The following PARP16 variants were observed in gnomAD, a reference collection of about 807,000 sequenced individuals.
The protein encoded by PARP16 is protein mono-ADP-ribosyltransferase PARP16.
PARP16 carries 31 observed loss-of-function variants against 35.0 expected under a neutral mutation model. The observed-to-expected ratio is 0.88, with a 90% CI of 0.66 to 1.19. The LOEUF (loss-of-function observed/expected upper bound fraction) is 1.19. Ranked by LOEUF, PARP16 falls within the 50% of genes most tolerant of loss-of-function variation. The pLI, the probability that PARP16 is intolerant of heterozygous loss-of-function variation, is 0.00. For synonymous variants in PARP16, 162 were observed against 169.5 expected, an observed-to-expected ratio of 0.96 and a Z score of 0.34; for missense variants, 424 against 411.2, an observed-to-expected ratio of 1.03 and a Z score of -0.27.
At chr15:65,259,991 T>C (rs2089648949) in intron 5 of PARP16, among the ~76,000 whole-genome samples, 1 of 152,172 alleles carries the variant, frequency 6.6e-6, no homozygotes, top group African/African-American at 2.4e-5. Context: ...CACCCAAGTG[T>C]GCACTAAAGA....
chr15:65,251,475 T>C (rs576292382), intron 2 of PARP16, among the ~76,000 whole-genome samples: 1 of 152,304 alleles, frequency 6.6e-6, no homozygotes, highest in African/African-American at 2.4e-5. Context: ...GATTCAGTAC[T>C]CAAAACAACG....
At chr15:65,281,645 C>T (rs893965871) in intron 1 of PARP16, among the ~76,000 whole-genome samples, 2 of 150,640 alleles carry the variant, frequency 1.3e-5, no homozygotes, top group South Asian at 2.1e-4. Flanking sequence ...GAGCCGAGAC[C>T]GCGCCATTGC....
chr15:65,247,798 CTTTTTTTTTTTTT>C (rs930896140), intron 3 of PARP16, among the ~76,000 whole-genome samples: 1 of 90,994 alleles, frequency 1.1e-5, no homozygotes, highest in African/African-American at 4.4e-5. Flanking sequence ...ATGGATTGTT[CTTTTTTTTTTTTT>C]TTTTTTTTTT....
At position 65,270,955 on chromosome 15, in the gene PARP16, G is replaced by C. The variant is rs545864287; in HGVS notation, c.292C>G (p.His98Asp). The change falls in exon 2 of 6, where the codon CAC (histidine) becomes GAC (aspartate). Residue 98 changes from histidine (H) to aspartate (D), a missense_variant. Physicochemically the swap from His to Asp is moderately conservative, Grantham distance 81. Coordinates refer to ENST00000649807, the MANE Select transcript of PARP16 (RefSeq NM_001316943.2). ...CTCACCTCTGCCTTCCCTGCACTGTGGATTGTCAGGACCTTTGAGGATAAA... is the reference window on the plus strand; with the variant it reads ...CTCACCTCTGCCTTCCCTGCACTGTCGATTGTCAGGACCTTTGAGGATAAA... ...WILSSKVLTI[H>D]SAGKAEFEKI... 3 of 1,614,132 alleles carry C rather than the reference G, an allele frequency of 1.9e-6. No individual in the cohort carries two copies. In the South Asian group the frequency reaches 3.3e-5, roughly 18 times the overall value.
chr15:65,274,246 C>CTT (rs112213715), intron 1 of PARP16, among the ~76,000 whole-genome samples: 12,442 of 140,138 alleles, frequency 0.089, 714 homozygotes, highest in Non-Finnish European at 0.13. Context: ...GCCCAGCATA[C>CTT]TTTTTTTTTT....
intron 2 of PARP16, among the ~76,000 whole-genome samples, chr15:65,251,063 T>A (rs780380177): frequency 1.3e-5 from 2 of 152,272 alleles, no homozygotes; most frequent in Admixed American, 6.5e-5. Flanking sequence ...TTTGTATTTT[T>A]AGTAGAGACG....
rs137937159 is a variant in PARP16, at chr15:65,238,454, G to T, written c.*98-3631C>A. ...GCTGCCCCAGTCACTCCATGCTCCAGTTGGAAATGTGATAGCTATCCTGGA... is the reference window on the plus strand; with the variant it reads ...GCTGCCCCAGTCACTCCATGCTCCATTTGGAAATGTGATAGCTATCCTGGA... On this transcript the variant is annotated intron_variant and NMD_transcript_variant, in intron 3 of 3. Coordinates refer to the PARP16 transcript ENST00000559805. Among the ~76,000 whole-genome samples the T allele has an allele frequency of 9.2e-5, 14 of 152,294 alleles. No homozygotes were observed. In the East Asian group the frequency reaches 2.7e-3, roughly 29 times the overall value.
downstream of PARP16, among the ~76,000 whole-genome samples, chr15:65,232,074 C>T (rs2088784114): frequency 6.6e-6 from 1 of 152,144 alleles, no homozygotes; most frequent in Non-Finnish European, 1.5e-5. Context: ...CCGTCACCTA[C>T]CTCCTAAAGC....
chr15:65,257,551 A>G (rs1596006091), downstream of PARP16, among the ~76,000 whole-genome samples: 1 of 149,232 alleles, frequency 6.7e-6, no homozygotes, highest in South Asian at 2.1e-4. Flanking sequence ...AACTGCTTGA[A>G]CCCGGGAGGC....
intron 2 of PARP16, among the ~76,000 whole-genome samples, chr15:65,253,007 G>GT (rs2089399217): frequency 6.6e-6 from 1 of 151,928 alleles, no homozygotes; most frequent in African/African-American, 2.4e-5. Context: ...GCACATGCCT[G>GT]TAATCCCAGC....
At chr15:65,236,395 C>G (rs1301413849) in intron 3 of PARP16, among the ~76,000 whole-genome samples, 2 of 152,166 alleles carry the variant, frequency 1.3e-5, no homozygotes, top group East Asian at 3.8e-4. Flanking sequence ...ATGACCTGGA[C>G]CAGGGAACCA....
At chr15:65,270,838 C>A (rs2090070313) in intron 2 of PARP16, 97 bp downstream of exon 2, 3 of 1,205,014 alleles carry the variant, frequency 2.5e-6, no homozygotes, top group Non-Finnish European at 3.6e-6. Context: ...CTGCCCAGGT[C>A]ACTGGTACAC....
At chr15:65,270,245 C>T (rs2090049836) in intron 2 of PARP16, among the ~76,000 whole-genome samples, 1 of 152,200 alleles carries the variant, frequency 6.6e-6, no homozygotes. Context: ...GAGACCCCAG[C>T]CAGGCAAGGT....
chr15:65,235,270 G>T (rs1455648256), intron 3 of PARP16, among the ~76,000 whole-genome samples: 1 of 151,812 alleles, frequency 6.6e-6, no homozygotes, highest in Non-Finnish European at 1.5e-5. Context: ...TCGCGCCACT[G>T]CACTTCAGCC....
At chr15:65,282,194 AT>A (rs1298755876) in intron 1 of PARP16, among the ~76,000 whole-genome samples, 2 of 152,202 alleles carry the variant, frequency 1.3e-5, no homozygotes, top group African/African-American at 4.8e-5. Context: ...TAATCTTTTT[AT>A]AAAGACAGGG....
Position 65,286,295 on chromosome 15 carries a change from G to T in PARP16, c.132C>A (p.Pro44=), listed in dbSNP as rs2090591785. ...TACAGTCGCCGCGGGCGTAGGACGC[G>T]GGGAAGGGCCGCAGCACCGAGTCGC... ...YKRDSVLRPF[P]ASYARGDCKD... is the part of the protein sequence containing the mutation. The change falls in exon 1 of 6, where the codon CCC becomes CCA. Residue 44 remains proline, a synonymous_variant. Coordinates refer to ENST00000649807, the MANE Select transcript of PARP16 (RefSeq NM_001316943.2). The T allele has an allele frequency of 2.5e-6, 4 of 1,601,330 alleles. No individual in the cohort carries two copies. The highest frequency in any genetic ancestry group is 1.7e-4 in the Middle Eastern group (1 of 6,046).
downstream of PARP16, among the ~76,000 whole-genome samples, chr15:65,256,843 C>T (rs2089528077): frequency 6.6e-6 from 1 of 152,206 alleles, no homozygotes; most frequent in Non-Finnish European, 1.5e-5. Context: ...TGTGCTGTTC[C>T]TACTGCCTGA....
intron 3 of PARP16, among the ~76,000 whole-genome samples, chr15:65,245,210 G>A (rs1320274681): frequency 2.0e-5 from 3 of 152,256 alleles, no homozygotes; most frequent in Admixed American, 6.5e-5. Context: ...GGGAGGCACA[G>A]AGAGGGCTTT....
intron 1 of PARP16, among the ~76,000 whole-genome samples, chr15:65,274,327 G>A (rs1337570994): frequency 6.6e-6 from 1 of 151,434 alleles, no homozygotes; most frequent in Non-Finnish European, 1.5e-5. Context: ...TTGGGAAGCT[G>A]AGGTGGGCGG....
Sources: allele counts gnomAD v4.1 joint callset (sites outside exome capture counted in the v4.1 genomes callset), GRCh38; gene constraint gnomAD v4.1.1; transcripts MANE v1.5; gene names NCBI Gene and HGNC (gene_info 2026-07-23, HGNC 2026-07-21).